Variants in UFSP2 observed in about 807,000 individuals in gnomAD.
UFSP2 encodes ufm1-specific protease 2.
In UFSP2, 43 loss-of-function variants were observed where a neutral mutation model predicts 60.2. That is an observed-to-expected ratio of 0.71 (90% CI 0.56 to 0.92). The LOEUF is 0.92. Among genes scored for constraint, UFSP2 ranks in the 40% least tolerant of loss-of-function variants. The pLI, the probability that UFSP2 is intolerant of heterozygous loss-of-function variation, is 0.00. For synonymous variants in UFSP2, 183 were observed against 195.1 expected, an observed-to-expected ratio of 0.94 and a Z score of 0.52; for missense variants, 520 against 575.0, an observed-to-expected ratio of 0.90 and a Z score of 0.98.
At chr4:185,410,041 T>C (rs562327394) in intron 7 of UFSP2, among the ~76,000 whole-genome samples, 55 of 152,336 alleles carry the variant, frequency 3.6e-4, no homozygotes, top group African/African-American at 1.2e-3. Context: ...CCATCAAATA[T>C]GTTATTATTT....
Position 185,413,823 on chromosome 4 carries a change from C to A in UFSP2, c.734G>T (p.Arg245Met), listed in dbSNP as rs768147237. Residue 245 changes from arginine to methionine, a missense_variant, in exon 7 of 12, where the codon AGG becomes ATG. By Grantham distance (91) the Arg-to-Met change is moderately conservative. Transcript: ENST00000264689. ...ATCTGGAAAGTGATAAGCATTAGAC[C>A]TTTTGAAATAGGGTCTGTCGTGAGG... ...NLPHDRPYFK[R>M]SNAYHFPDEP... 1.9e-5 allele frequency: 31 copies of A among 1,612,980 alleles called. No individual in the cohort carries two copies. The highest frequency in any genetic ancestry group is 2.5e-5 in the Non-Finnish European group (30 of 1,179,546).
chr4:185,411,378 TA>T (rs1459444475), intron 7 of UFSP2, among the ~76,000 whole-genome samples: 2 of 151,658 alleles, frequency 1.3e-5, no homozygotes, highest in Non-Finnish European at 1.5e-5. Flanking sequence ...TCTAAAAAAC[TA>T]AAAAAGGAAC....
intron 7 of UFSP2, among the ~76,000 whole-genome samples, chr4:185,409,258 A>C (rs181237469): frequency 6.6e-6 from 1 of 152,302 alleles, no homozygotes; most frequent in East Asian, 1.9e-4. Context: ...CGCTAAGTTA[A>C]GGGTCAAAAA....
At chr4:185,407,017 CTTTTTTTT>C (rs34710879) in intron 9 of UFSP2, among the ~76,000 whole-genome samples, 2 of 99,094 alleles carry the variant, frequency 2.0e-5, no homozygotes, top group East Asian at 3.0e-4. Flanking sequence ...TTTGGCTTTT[CTTTTTTTT>C]TTTTTTTTTT....
At chr4:185,425,165 G>A (rs1465702101) in intron 1 of UFSP2, among the ~76,000 whole-genome samples, 1 of 152,170 alleles carries the variant, frequency 6.6e-6, no homozygotes, top group African/African-American at 2.4e-5. Context: ...GTTGAGAAGA[G>A]GGAGATGTCA....
intron 7 of UFSP2, 102 bp downstream of exon 7, chr4:185,413,624 G>T: frequency 2.7e-6 from 3 of 1,109,408 alleles, no homozygotes; most frequent in Non-Finnish European, 3.8e-6. Context: ...CATGTTTTAG[G>T]AATGAATACA....
Position 185,400,069 on chromosome 4 carries a change from C to A in UFSP2, c.*323G>T, listed in dbSNP as rs1561104465. Reference sequence around the variant, plus strand: ...AAGAACGCCTTCATTTCATGCAAATCTATAAGCTCCTGCTTTTGGCTTTAC... The same window carrying A: ...AAGAACGCCTTCATTTCATGCAAATATATAAGCTCCTGCTTTTGGCTTTAC... On this transcript the variant is annotated 3_prime_UTR_variant, in exon 12 of 12. Transcript: ENST00000264689. 1 of 1,479,692 alleles carries A rather than the reference C, an allele frequency of 6.8e-7. No individual in the cohort carries two copies. Among genetic ancestry groups the A allele is most frequent in the South Asian group, 1.2e-5 (1 of 83,950 alleles). 91.7% of individuals were successfully genotyped at this position (1,479,692 alleles called of 1,614,324 possible).
At chr4:185,423,914 A>G (rs886097847) in intron 1 of UFSP2, among the ~76,000 whole-genome samples, 3 of 152,182 alleles carry the variant, frequency 2.0e-5, no homozygotes, top group East Asian at 1.9e-4. Flanking sequence ...CTCTCAAAAC[A>G]TATCTCTCAA....
chr4:185,408,159 T>C, intron 8 of UFSP2, 99 bp from the exon 9 acceptor site: 1 of 1,546,770 alleles, frequency 6.5e-7, no homozygotes, highest in Non-Finnish European at 8.8e-7. Context: ...GAATTTTTTT[T>C]TCTTCAAAAC....
chr4:185,407,154 G>A (rs1455043714), intron 9 of UFSP2, among the ~76,000 whole-genome samples: 2 of 150,032 alleles, frequency 1.3e-5, no homozygotes, highest in African/African-American at 2.5e-5. Flanking sequence ...GGGTTCAAGC[G>A]ATTCTCCTGC....
Position 185,400,143 on chromosome 4 carries a change from C to T in UFSP2, c.*249G>A. ...CTGAGAAGGACGAAAAACTTTCTTC[C>T]AAGTGAAGATCCATTTAAGAACACA... is the stretch of plus-strand genomic sequence containing the variant. On this transcript the variant is annotated 3_prime_UTR_variant, in exon 12 of 12. Coordinates refer to ENST00000264689, the MANE Select transcript of UFSP2 (RefSeq NM_018359.5). 1.1e-6 allele frequency: 1 copy of T among 907,272 alleles called. No individual in the cohort carries two copies. Among genetic ancestry groups the T allele is most frequent in the East Asian group, 2.6e-5 (1 of 39,200 alleles). The allele number at this position is 907,272 out of a possible 1,614,324, so 56.2% of individuals were successfully genotyped here.
rs532736468 is a variant in UFSP2 at position 185,415,750 on chromosome 4, C to T, written c.451G>A (p.Asp151Asn). Residue 151 changes from aspartate (D) to asparagine (N), a missense_variant, in exon 5 of 12, where the codon GAT becomes AAT. Coordinates refer to ENST00000264689, the MANE Select transcript of UFSP2 (RefSeq NM_018359.5). ...TCTGGAGCAACAGATATAACTGCATCGACAGGTAAAGTCATATTAACATAA... is the reference window on the plus strand; with the variant it reads ...TCTGGAGCAACAGATATAACTGCATTGACAGGTAAAGTCATATTAACATAA... The part of the protein sequence containing the change: ...HHYVNMTLPV[D>N]AVISVAPEET... 4.2e-5 allele frequency: 67 copies of T among 1,613,324 alleles called. No homozygotes were observed. The highest frequency in any genetic ancestry group is 3.2e-4 in the South Asian group (29 of 90,978).
chr4:185,403,702 C>T (rs375628593), intron 10 of UFSP2, 84 bp from the exon 11 acceptor site: 351 of 1,516,276 alleles, frequency 2.3e-4, no homozygotes, highest in Non-Finnish European at 9.6e-5. Flanking sequence ...AGATTACGGC[C>T]GGGCGTGGTG....
rs144029048 is a variant in UFSP2 at position 185,410,669 on chromosome 4, G to A, written c.832-2234C>T. On this transcript the variant is annotated intron_variant, in intron 7 of 11. Transcript: ENST00000264689. The stretch of plus-strand genomic sequence containing the variant: ...TCTCAAAAAAAAGAAAGATTAGGCC[G>A]GGCGCAGTGGCTCACGCCTGTAATC... Among the ~76,000 whole-genome samples the A allele has an allele frequency of 5.5e-3, 794 of 143,292 alleles. 2 individuals carry two copies. Among genetic ancestry groups the A allele is most frequent in the Admixed American group, 0.012 (180 of 14,426 alleles). 94.0% of individuals were successfully genotyped at this position (143,292 alleles called of 152,430 possible). A position where few individuals can be genotyped will look rare whatever the true frequency, so the allele number is the denominator to read the frequency against.
intron 2 of UFSP2, among the ~76,000 whole-genome samples, chr4:185,419,077 G>A (rs760818020): frequency 3.1e-4 from 47 of 151,802 alleles, no homozygotes; most frequent in Admixed American, 9.8e-4. Flanking sequence ...ACCAGCAGTC[G>A]TTTCTCATTC....
intron 10 of UFSP2, 117 bp from the exon 11 acceptor site, chr4:185,403,735 CT>C (rs761514895): frequency 5.4e-6 from 7 of 1,294,690 alleles, no homozygotes; most frequent in Non-Finnish European, 7.2e-6. Flanking sequence ...AATCCCAGCA[CT>C]TTGGGAGGTG....
chr4:185,417,764 C>T (rs1218728415), intron 4 of UFSP2, among the ~76,000 whole-genome samples: 2 of 152,138 alleles, frequency 1.3e-5, no homozygotes. Flanking sequence ...ACAGAACCAG[C>T]CGGGCGCGGT....
At chr4:185,423,648 T>C (rs148701359) in intron 1 of UFSP2, among the ~76,000 whole-genome samples, 1 of 152,296 alleles carries the variant, frequency 6.6e-6, no homozygotes, top group East Asian at 1.9e-4. Flanking sequence ...TTACAACTTA[T>C]AAAGGGAAAA....
chr4:185,417,838 G>A (rs1410436700), intron 4 of UFSP2, among the ~76,000 whole-genome samples: 1 of 152,116 alleles, frequency 6.6e-6, no homozygotes, highest in African/African-American at 2.4e-5. Context: ...GAGGTCAGGA[G>A]TTTGAGACCA....
Sources: gnomAD v4.1 joint callset for allele counts (sites outside exome capture counted in the v4.1 genomes callset) on GRCh38, gnomAD v4.1.1 for gene constraint, MANE v1.5 for transcripts, NCBI Gene and HGNC (gene_info 2026-07-23, HGNC 2026-07-21) for gene names.